ALG14: variants seen among roughly 807,000 people sequenced by gnomAD.
ALG14 encodes UDP-N-acetylglucosamine transferase subunit ALG14.
A neutral mutation model predicts 22.8 loss-of-function variants in ALG14; 17 were observed. The ratio of observed to expected loss-of-function variants is 0.75; its 90% CI spans 0.51 to 1.12. The LOEUF (loss-of-function observed/expected upper bound fraction) is 1.12, where lower values mean the gene tolerates loss of function less well. Among genes scored for constraint, ALG14 ranks in the 50% most tolerant of loss-of-function variants. The pLI, the probability that ALG14 is intolerant of heterozygous loss-of-function variation, is 0.00. For missense variants in ALG14, 288 were observed against 271.8 expected (o/e 1.06, Z -0.42); for synonymous variants, 89 against 103.7 (o/e 0.86, Z 0.86).
At chr1:94,991,007 T>C (rs1365799318) in intron 3 of ALG14, among the ~76,000 whole-genome samples, 1 of 152,260 alleles carries the variant, frequency 6.6e-6, no homozygotes, top group Non-Finnish European at 1.5e-5. Context: ...ATGGTGCTTA[T>C]GCACCAAGGC....
chr1:94,982,611 T>G lies in ALG14; in HGVS notation c.*465A>C, dbSNP rs1457499985. On this transcript the variant is annotated 3_prime_UTR_variant, in exon 4 of 4. Coordinates refer to ENST00000370205, the MANE Select transcript of ALG14 (RefSeq NM_144988.4). ...AAGGATTCACTGGGGACATCACTGT[T>G]TCCATACAGGAAATAAAGCCTTTTG... is the stretch of plus-strand genomic sequence containing the variant. 1 of 148,524 alleles carries G rather than the reference T, an allele frequency of 6.7e-6. No homozygotes were observed. The highest frequency in any genetic ancestry group is 2.5e-5 in the African/African-American group (1 of 39,850). 9.2% of individuals were successfully genotyped at this position (148,524 alleles called of 1,614,324 possible).
At chr1:95,013,444 T>C (rs2100752328) in intron 3 of ALG14, among the ~76,000 whole-genome samples, 1 of 152,026 alleles carries the variant, frequency 6.6e-6, no homozygotes, top group African/African-American at 2.4e-5. Context: ...CTCAGCCTCC[T>C]GAGTAGCTGG....
At chr1:95,060,910 T>C (rs1332571310) in intron 2 of ALG14, among the ~76,000 whole-genome samples, 2 of 152,136 alleles carry the variant, frequency 1.3e-5, no homozygotes, top group African/African-American at 4.8e-5. Context: ...ACTGCAGATA[T>C]GATCAAGTTA....
At chr1:95,071,055 A>G (rs1348981021) in intron 1 of ALG14, among the ~76,000 whole-genome samples, 1 of 152,180 alleles carries the variant, frequency 6.6e-6, no homozygotes, top group East Asian at 1.9e-4. Context: ...CACTTTAAAT[A>G]TGATCCTATT....
At chr1:94,996,594 G>T (rs534740710) in intron 3 of ALG14, among the ~76,000 whole-genome samples, 1 of 152,342 alleles carries the variant, frequency 6.6e-6, no homozygotes, top group African/African-American at 2.4e-5. Context: ...GGTGTTCGGA[G>T]TCATCTCTTA....
Position 95,064,887 on chromosome 1 carries a change from A to G in ALG14, c.267T>C (p.Ala89=), listed in dbSNP as rs1675300296. Residue 89 remains alanine, a synonymous_variant, in exon 2 of 4, where the codon GCT becomes GCC. Coordinates refer to ENST00000370205, the MANE Select transcript of ALG14 (RefSeq NM_144988.4). ...NKINSFELDR[A]DRDPSNMYTK... ...TTACCATGTTACTAGGGTCTCTATC[A>G]GCTCGATCTAGTTCAAAAGAATTTA... The G allele has an allele frequency of 6.2e-7, 1 of 1,613,386 alleles. No homozygotes were observed. Among genetic ancestry groups the G allele is most frequent in the Non-Finnish European group, 8.5e-7 (1 of 1,179,652 alleles).
At chr1:95,041,475 G>T (rs1414518053) in intron 2 of ALG14, 1 of 152,000 alleles carries the variant, frequency 6.6e-6, no homozygotes, top group East Asian at 1.9e-4. Flanking sequence ...AAAATTAGCT[G>T]GGTGTGATGG....
At chr1:95,069,420 C>T (rs1675484224) in intron 1 of ALG14, among the ~76,000 whole-genome samples, 1 of 152,044 alleles carries the variant, frequency 6.6e-6, no homozygotes, top group Admixed American at 6.6e-5. Context: ...CAAGACCTTC[C>T]AAATTTATTA....
At position 95,011,601 on chromosome 1, in the gene ALG14, G is replaced by T. The variant is rs554699711; in HGVS notation, c.420+15528C>A. ...CCACAGCACCTGGCTAATTTTTCTT[G>T]TATTTTTAGTAGAGATGGGGTTTCA... On this transcript the variant is annotated intron_variant, in intron 3 of 3. Coordinates refer to ENST00000370205, the MANE Select transcript of ALG14 (RefSeq NM_144988.4). Among the ~76,000 whole-genome samples the T allele has an allele frequency of 8.6e-5, 13 of 152,006 alleles. No individual in the cohort carries two copies. In the South Asian group the frequency reaches 2.7e-3, roughly 32 times the overall value.
At chr1:94,997,432 G>A (rs1242953428) in intron 3 of ALG14, among the ~76,000 whole-genome samples, 1 of 152,212 alleles carries the variant, frequency 6.6e-6, no homozygotes, top group Admixed American at 6.5e-5. Context: ...AAACCTCTGA[G>A]TTTTCTAATT....
intron 3 of ALG14, among the ~76,000 whole-genome samples, chr1:95,012,370 T>C (rs74101972): frequency 0.047 from 7,095 of 152,236 alleles, 219 homozygotes; most frequent in South Asian, 0.084. Flanking sequence ...AATCTCTAGG[T>C]TGGGGAAATA....
At chr1:95,058,600 G>T (rs4259714) in intron 2 of ALG14, among the ~76,000 whole-genome samples, 1 of 139,094 alleles carries the variant, frequency 7.2e-6, no homozygotes, top group African/African-American at 2.7e-5. Context: ...CTGGACAACA[G>T]AGTGAGATTC....
chr1:95,039,350 G>T (rs1674309249), intron 2 of ALG14, among the ~76,000 whole-genome samples: 1 of 152,124 alleles, frequency 6.6e-6, no homozygotes, highest in African/African-American at 2.4e-5. Context: ...ACCAGAGAAG[G>T]GCAATCATTG....
At chr1:95,059,408 A>C (rs1336929383) in intron 2 of ALG14, among the ~76,000 whole-genome samples, 2 of 119,690 alleles carry the variant, frequency 1.7e-5, no homozygotes, top group East Asian at 5.0e-4. Flanking sequence ...AAAAAAAAAA[A>C]AAAAAAAAAA....
At chr1:95,057,125 T>G (rs896482106) in intron 2 of ALG14, among the ~76,000 whole-genome samples, 15 of 149,066 alleles carry the variant, frequency 1.0e-4, no homozygotes, top group Admixed American at 4.0e-4. Flanking sequence ...AGGAAGAAAA[T>G]GTATACCGTT....
intron 2 of ALG14, among the ~76,000 whole-genome samples, chr1:95,047,516 G>T (rs1396379625): frequency 2.0e-5 from 3 of 151,958 alleles, no homozygotes; most frequent in Non-Finnish European, 4.4e-5. Flanking sequence ...GCTAATTTTT[G>T]TATTTTTGGT....
At chr1:95,032,434 C>T (rs1674039973) in intron 2 of ALG14, among the ~76,000 whole-genome samples, 1 of 152,080 alleles carries the variant, frequency 6.6e-6, no homozygotes, top group Non-Finnish European at 1.5e-5. Flanking sequence ...ACAGCCAAAG[C>T]TAGAAGGCAC....
chr1:95,051,696 G>T (rs562246858), intron 2 of ALG14, among the ~76,000 whole-genome samples: 4 of 152,208 alleles, frequency 2.6e-5, no homozygotes, highest in Admixed American at 6.5e-5. Flanking sequence ...ATGGACTCTC[G>T]CTATTTTACA....
At chr1:95,047,803 G>A (rs1250118801) in intron 2 of ALG14, among the ~76,000 whole-genome samples, 2 of 152,082 alleles carry the variant, frequency 1.3e-5, no homozygotes, top group Non-Finnish European at 2.9e-5. Flanking sequence ...AACATAGCAA[G>A]ACCCCATCTC....
Sources: gnomAD v4.1 joint callset for allele counts (sites outside exome capture counted in the v4.1 genomes callset) on GRCh38, gnomAD v4.1.1 for gene constraint, MANE v1.5 for transcripts, NCBI Gene and HGNC (gene_info 2026-07-23, HGNC 2026-07-21) for gene names.